The following FBXL14 variants were observed in gnomAD, a reference collection of about 807,000 sequenced individuals.
The protein encoded by FBXL14 is F-box/LRR-repeat protein 14.
FBXL14 carries 11 observed loss-of-function variants against 24.5 expected under a neutral mutation model. The ratio of observed to expected loss-of-function variants is 0.45; its 90% CI spans 0.28 to 0.74. FBXL14 has a LOEUF of 0.74. FBXL14 is among the 30% of genes least tolerant of loss of function. The probability of loss-of-function intolerance (pLI) is 0.12; values close to 1 mark genes in which losing one functional copy is unlikely to be tolerated. For missense variants in FBXL14, 384 were observed against 545.6 expected, an observed-to-expected ratio of 0.70 and a Z score of 2.95; for synonymous variants, 294 against 240.4, an observed-to-expected ratio of 1.22 and a Z score of -2.06.
At chr12:1,574,635 G>C (rs1013244152) in intron 1 of FBXL14, 58 of 195,910 alleles carry the variant, frequency 3.0e-4, no homozygotes, top group Admixed American at 2.8e-3. Context: ...CTTCTTTTGA[G>C]GGATCTGAAG....
chr12:1,583,455 C>A (rs1163005536), intron 1 of FBXL14, among the ~76,000 whole-genome samples: 1 of 151,964 alleles, frequency 6.6e-6, no homozygotes, highest in African/African-American at 2.4e-5. Flanking sequence ...CAAAATAACA[C>A]CTGGCTCTGG....
Position 1,579,682 on chromosome 12 carries a change from G to A in FBXL14, c.1195-12872C>T, listed in dbSNP as rs899604199. Among the ~76,000 whole-genome samples, 9 of 151,994 alleles carry A rather than the reference G, an allele frequency of 5.9e-5. No homozygotes were observed. Among genetic ancestry groups the A allele is most frequent in the African/African-American group, 2.2e-4 (9 of 41,384 alleles). On this transcript the variant is annotated intron_variant, in intron 1 of 1. Transcript: ENST00000339235. The surrounding 1 kb of genome is among the most constrained non-coding windows in gnomAD (Gnocchi z 4.3). The stretch of plus-strand genomic sequence containing the variant: ...AAGTATTTCAGGAACTTTGAAGAAA[G>A]GACCTGAAAATTATTACTCAGGCTG...
At chr12:1,587,872 A>T (rs1161822568) in intron 1 of FBXL14, among the ~76,000 whole-genome samples, 1 of 152,194 alleles carries the variant, frequency 6.6e-6, no homozygotes, top group Non-Finnish European at 1.5e-5. Flanking sequence ...ACATTATTTC[A>T]TCAAAAAGCC....
chr12:1,570,023 G>T (rs886589616), intron 1 of FBXL14, among the ~76,000 whole-genome samples: 3 of 152,236 alleles, frequency 2.0e-5, no homozygotes, highest in Non-Finnish European at 4.4e-5. Flanking sequence ...CTTCCTAAGA[G>T]AACGTTTTGC....
rs1308861310 is a variant in FBXL14 at position 1,566,435 on chromosome 12, T to C, written c.*313A>G. ...AAAATTAAAGTGTGGAACTTGTAGT[T>C]TCCTGTCGAAGAAGCTTGCAAATTG... On this transcript the variant is annotated 3_prime_UTR_variant, in exon 2 of 2. Transcript: ENST00000339235. The C allele has an allele frequency of 1.1e-5, 3 of 282,138 alleles. No individual in the cohort carries two copies. Among genetic ancestry groups the C allele is most frequent in the African/African-American group, 6.5e-5 (3 of 45,860 alleles). The allele number at this position is 282,138 out of a possible 1,614,324, so 17.5% of individuals were successfully genotyped here. A position where few individuals can be genotyped will look rare whatever the true frequency, so the allele number is the denominator to read the frequency against.
At chr12:1,591,945 G>A (rs1012751264) in intron 1 of FBXL14, among the ~76,000 whole-genome samples, 1 of 151,974 alleles carries the variant, frequency 6.6e-6, no homozygotes, top group African/African-American at 2.4e-5. Context: ...TATAAATTAA[G>A]ATTTAGAAAT....
chr12:1,576,614 G>A (rs193082792), intron 1 of FBXL14, among the ~76,000 whole-genome samples: 6 of 152,122 alleles, frequency 3.9e-5, no homozygotes, highest in African/African-American at 9.6e-5. Flanking sequence ...TAAAATACAC[G>A]AGACGCACTC....
At chr12:1,576,308 G>A (rs555413782) in intron 1 of FBXL14, among the ~76,000 whole-genome samples, 31 of 152,228 alleles carry the variant, frequency 2.0e-4, no homozygotes, top group South Asian at 6.2e-4. Flanking sequence ...CGTGGGGGCC[G>A]GCAGTGTCAG....
rs549213894 is a variant in FBXL14 at position 1,591,374 on chromosome 12, C to T, written c.1194+1499G>A. Among the ~76,000 whole-genome samples, 433 of 132,558 alleles carry T rather than the reference C, an allele frequency of 3.3e-3. 2 individuals carry two copies. Among genetic ancestry groups the T allele is most frequent in the African/African-American group, 0.011 (404 of 35,428 alleles). 87.0% of individuals were successfully genotyped at this position (132,558 alleles called of 152,430 possible). On this transcript the variant is annotated intron_variant, in intron 1 of 1. Coordinates refer to ENST00000339235, the MANE Select transcript of FBXL14 (RefSeq NM_152441.3). ...TTTTTTTTTTTTTTTCAAAAACATACTTCATATTTCCTCTTTTATTATATA... is the reference window on the plus strand; with the variant it reads ...TTTTTTTTTTTTTTTCAAAAACATATTTCATATTTCCTCTTTTATTATATA...
intron 1 of FBXL14, among the ~76,000 whole-genome samples, chr12:1,576,549 G>A (rs143305058): frequency 0.015 from 2,216 of 152,178 alleles, 49 homozygotes; most frequent in African/African-American, 0.05. Flanking sequence ...TCCCTTCTGC[G>A]CCAAGAATCT....
intron 1 of FBXL14, among the ~76,000 whole-genome samples, chr12:1,575,674 C>T (rs1015924880): frequency 3.9e-5 from 6 of 152,102 alleles, no homozygotes; most frequent in Non-Finnish European, 4.4e-5. Flanking sequence ...TGGCTTCTGC[C>T]CATGCTGTGG....
rs1592454633 is a variant in FBXL14 at position 1,570,398 on chromosome 12, C to T, written c.1195-3588G>A. On this transcript the variant is annotated intron_variant, in intron 1 of 1. Coordinates refer to ENST00000339235, the MANE Select transcript of FBXL14 (RefSeq NM_152441.3). ...TGTCACAGGGAGCACTCATCTCTGGCATCTCCTTCCTACCGGGGTGGGCAA... is the reference window on the plus strand; with the variant it reads ...TGTCACAGGGAGCACTCATCTCTGGTATCTCCTTCCTACCGGGGTGGGCAA... Among the ~76,000 whole-genome samples the T allele has an allele frequency of 2.6e-5, 4 of 152,324 alleles. No homozygotes were observed. The South Asian group carries it at 8.3e-4, about 32-fold the overall frequency.
At chr12:1,570,880 G>A (rs1192189236) in intron 1 of FBXL14, among the ~76,000 whole-genome samples, 2 of 152,092 alleles carry the variant, frequency 1.3e-5, no homozygotes, top group Non-Finnish European at 2.9e-5. Flanking sequence ...GGGAGGAGCA[G>A]TGATGGTGTA....
chr12:1,591,175 CA>C (rs1234422354), intron 1 of FBXL14, among the ~76,000 whole-genome samples: 6 of 152,138 alleles, frequency 3.9e-5, no homozygotes, highest in Admixed American at 3.9e-4. Context: ...CAAAACATGT[CA>C]GTAGTAAACC....
intron 1 of FBXL14, among the ~76,000 whole-genome samples, chr12:1,578,419 T>TC (rs2094459998): frequency 6.6e-6 from 1 of 152,144 alleles, no homozygotes; most frequent in Admixed American, 6.6e-5. Flanking sequence ...GGTGGGTGGA[T>TC]CACCTGAGAT....
chr12:1,592,240 C>T (rs1004285057), intron 1 of FBXL14, among the ~76,000 whole-genome samples: 3 of 145,658 alleles, frequency 2.1e-5, no homozygotes, highest in African/African-American at 7.6e-5. Context: ...AGAATATATT[C>T]AGCAGAAAAA....
rs1015860808 is a variant in FBXL14 at position 1,569,550 on chromosome 12, G to A, written c.1195-2740C>T. ...TGAGTAGCTGGGATTACAGGCGCCC[G>A]CCACCACGCCCGGCTAATTTTTTGT... On this transcript the variant is annotated intron_variant, in intron 1 of 1. Transcript: ENST00000339235. This position sits in a 1 kb window ranked among gnomAD's most constrained non-coding sequence, Gnocchi z 4.2. Among the ~76,000 whole-genome samples, 14 of 152,150 alleles carry A rather than the reference G, an allele frequency of 9.2e-5. No homozygotes were observed. Among genetic ancestry groups the A allele is most frequent in the Non-Finnish European group, 1.5e-4 (10 of 67,966 alleles).
intron 1 of FBXL14, among the ~76,000 whole-genome samples, chr12:1,573,681 C>T (rs1246964344): frequency 2.6e-5 from 4 of 152,142 alleles, no homozygotes; most frequent in Non-Finnish European, 5.9e-5. Flanking sequence ...CATTCTATGT[C>T]CATGGGTACA....
intron 1 of FBXL14, among the ~76,000 whole-genome samples, chr12:1,581,767 T>G (rs2094466766): frequency 6.6e-6 from 1 of 152,038 alleles, no homozygotes; most frequent in Non-Finnish European, 1.5e-5. Flanking sequence ...TCGCAAGAGA[T>G]TTGTCTAGAG....
Sources: allele counts gnomAD v4.1 joint callset (sites outside exome capture counted in the v4.1 genomes callset), GRCh38; gene constraint gnomAD v4.1.1; non-coding constraint Gnocchi (gnomAD v3.1); transcripts MANE v1.5; gene names NCBI Gene and HGNC (gene_info 2026-07-23, HGNC 2026-07-21).